Variants in NADSYN1 observed in about 807,000 individuals in gnomAD.
NADSYN1 encodes NAD synthetase 1.
In NADSYN1, 80 loss-of-function variants were observed where a neutral mutation model predicts 99.3. That is an observed-to-expected ratio of 0.81 (90% confidence interval 0.67 to 0.97). NADSYN1 has a LOEUF of 0.97. Among genes scored for constraint, NADSYN1 ranks in the 50% least tolerant of loss-of-function variants. The pLI is 0.00. For synonymous variants in NADSYN1, 385 were observed against 372.1 expected (o/e 1.03, Z -0.40); for missense variants, 859 against 948.5 (o/e 0.91, Z 1.24).
intron 16 of NADSYN1, among the ~76,000 whole-genome samples, chr11:71,486,776 T>C (rs1949745596): frequency 6.8e-6 from 1 of 147,668 alleles, no homozygotes; most frequent in African/African-American, 2.5e-5. Flanking sequence ...ATCCCTCCCT[T>C]TTTTCTATGG....
intron 18 of NADSYN1, 182 bp from the exon 19 acceptor site, chr11:71,497,301 G>A (rs1949826495): frequency 2.9e-6 from 2 of 684,046 alleles, no homozygotes; most frequent in African/African-American, 3.6e-5. Context: ...CTTCGTTGCT[G>A]TTTTCCAAAT....
At chr11:71,458,635 G>A (rs1949528975) in intron 3 of NADSYN1, 91 bp downstream of exon 3, 1 of 903,172 alleles carries the variant, frequency 1.1e-6, no homozygotes, top group Non-Finnish European at 1.8e-6. Context: ...TCCAGGGTGT[G>A]GAACATCCAT....
chr11:71,497,488 T>TA lies in NADSYN1; in HGVS notation c.1771dup (p.Met591AsnfsTer44). 6.2e-7 allele frequency: 1 copy of TA among 1,614,092 alleles called. No homozygotes were observed. The highest frequency in any genetic ancestry group is 8.5e-7 in the Non-Finnish European group (1 of 1,180,010). ...CAGATTTTTGTTGTGCACAGGAAGA[T>TA]ATGGGGATGACATATGCGGAGCTCT... On this transcript the variant is annotated frameshift_variant, in exon 19 of 21. Transcript: ENST00000319023. LOFTEE classifies it high-confidence loss of function.
intron 18 of NADSYN1, among the ~76,000 whole-genome samples, chr11:71,493,083 T>C (rs990494302): frequency 6.6e-6 from 1 of 152,014 alleles, no homozygotes; most frequent in African/African-American, 2.4e-5. Flanking sequence ...AGAGATGGGG[T>C]TCCACCATGT....
intron 3 of NADSYN1, among the ~76,000 whole-genome samples, chr11:71,459,215 C>A (rs959173121): frequency 2.7e-5 from 4 of 147,468 alleles, no homozygotes; most frequent in Non-Finnish European, 5.9e-5. Context: ...GGTGTCTGTG[C>A]GGTCCCTGCA....
intron 19 of NADSYN1, 43 bp from the exon 20 acceptor site, chr11:71,498,309 C>G: frequency 1.2e-6 from 2 of 1,608,930 alleles, no homozygotes; most frequent in Non-Finnish European, 1.7e-6. Context: ...TGGGGTCTCT[C>G]CAGTTTTGGT....
intron 16 of NADSYN1, 102 bp downstream of exon 16, chr11:71,485,750 G>A: frequency 2.3e-6 from 2 of 868,742 alleles, no homozygotes; most frequent in South Asian, 1.9e-5. Context: ...TTTCATGGCG[G>A]GTTTGGTGCC....
chr11:71,501,696 A>T lies in NADSYN1; in HGVS notation c.*344A>T. 3.2e-6 allele frequency: 1 copy of T among 309,676 alleles called. No individual in the cohort carries two copies. The highest frequency in any genetic ancestry group is 6.0e-6 in the Non-Finnish European group (1 of 165,918). 19.2% of individuals were successfully genotyped at this position (309,676 alleles called of 1,614,324 possible). A position where few individuals can be genotyped will look rare whatever the true frequency, so the allele number is the denominator to read the frequency against. ...AGGAACAAGAACAGTAGCTCCCGGGAAGGGAGGGGTGTCATGAGCAGAAAA... is the reference window on the plus strand; with the variant it reads ...AGGAACAAGAACAGTAGCTCCCGGGTAGGGAGGGGTGTCATGAGCAGAAAA... On this transcript the variant is annotated 3_prime_UTR_variant, in exon 21 of 21. Coordinates refer to ENST00000319023, the MANE Select transcript of NADSYN1 (RefSeq NM_018161.5).
rs780376631 is a variant in NADSYN1, at chr11:71,463,500, C to A, written c.317+15C>A. Reference sequence around the variant, plus strand: ...TTCCTCAACAGGTAGGCCCCCTGCCCCCACCCCGGGAGGGTGACTGGGGCC... The same window carrying A: ...TTCCTCAACAGGTAGGCCCCCTGCCACCACCCCGGGAGGGTGACTGGGGCC... On this transcript the variant is annotated intron_variant, in intron 4 of 20. Transcript: ENST00000319023. 1.9e-6 allele frequency: 3 copies of A among 1,612,426 alleles called. No individual in the cohort carries two copies. In the African/African-American group the frequency reaches 4.0e-5, roughly 22 times the overall value.
intron 5 of NADSYN1, among the ~76,000 whole-genome samples, chr11:71,465,727 G>T (rs1000311508): frequency 6.6e-6 from 1 of 152,092 alleles, no homozygotes; most frequent in Non-Finnish European, 1.5e-5. Context: ...AGTTATTTCT[G>T]TTTTTTATTG....
intron 5 of NADSYN1, among the ~76,000 whole-genome samples, chr11:71,469,858 T>A (rs537494178): frequency 7.1e-6 from 1 of 140,394 alleles, no homozygotes; most frequent in Non-Finnish European, 1.5e-5. Context: ...CCCATGAGGT[T>A]GAGCCTGCAG....
intron 3 of NADSYN1, chr11:71,458,970 C>T (rs1198428717): frequency 1.0e-5 from 2 of 195,746 alleles, no homozygotes; most frequent in Non-Finnish European, 2.2e-5. Flanking sequence ...ATGCTGGTGT[C>T]TGTGCTGTAC....
chr11:71,480,177 T>TTTGC (rs1370685040), intron 10 of NADSYN1: 1 of 152,460 alleles, frequency 6.6e-6, no homozygotes, highest in African/African-American at 2.4e-5. Flanking sequence ...TTTTTGTTTG[T>TTTGC]TTTTTGAGAC....
At chr11:71,464,889 AAAAAG>A (rs1308086493) in intron 5 of NADSYN1, among the ~76,000 whole-genome samples, 6 of 151,146 alleles carry the variant, frequency 4.0e-5, no homozygotes, top group African/African-American at 1.5e-4. Flanking sequence ...AAAAAAAAAA[AAAAAG>A]AGCGGGGTTT....
chr11:71,486,446 C>T (rs1949743842), intron 16 of NADSYN1, among the ~76,000 whole-genome samples: 1 of 151,276 alleles, frequency 6.6e-6, no homozygotes, highest in Admixed American at 6.6e-5. Flanking sequence ...CACCCATCCA[C>T]CCATCTGTCT....
intron 8 of NADSYN1, among the ~76,000 whole-genome samples, 170 bp downstream of exon 8, chr11:71,473,856 G>A (rs748900852): frequency 3.9e-5 from 6 of 152,158 alleles, no homozygotes; most frequent in Non-Finnish European, 7.3e-5. Context: ...GGGCTTCGCC[G>A]GCACAGCCCA....
chr11:71,470,972 T>C (rs1792234), intron 5 of NADSYN1, among the ~76,000 whole-genome samples: 42,807 of 152,110 alleles, frequency 0.28, 6,530 homozygotes, highest in South Asian at 0.46. Context: ...TATCCTGTGC[T>C]TTGTTTTCTT....
At position 71,497,581 on chromosome 11, in the gene NADSYN1, C is replaced by T. The variant is rs1248118161; in HGVS notation, c.1863C>T (p.Gly621=). 1.2e-6 allele frequency: 2 copies of T among 1,614,040 alleles called. No individual in the cohort carries two copies. Among genetic ancestry groups the T allele is most frequent in the Non-Finnish European group, 1.7e-6 (2 of 1,180,044 alleles). The change falls in exon 19 of 21, where the codon GGC becomes GGT. Residue 621 remains glycine, a synonymous_variant. Coordinates refer to ENST00000319023, the MANE Select transcript of NADSYN1 (RefSeq NM_018161.5). ...ACAGCATGTTCTGCAAACTCCTCGG[C>T]ATGTGGAGACACATCTGCACCCCGA... ...GPYSMFCKLL[G]MWRHICTPRQ... is the part of the protein sequence containing the mutation.
chr11:71,472,402 T>C, intron 5 of NADSYN1, 47 bp from the exon 6 acceptor site: 1 of 1,483,670 alleles, frequency 6.7e-7, no homozygotes, highest in Non-Finnish European at 9.5e-7. Context: ...CATTCCTCAT[T>C]TGTCCTGAGA....
Sources: allele counts gnomAD v4.1 joint callset (sites outside exome capture counted in the v4.1 genomes callset), GRCh38; gene constraint gnomAD v4.1.1; transcripts MANE v1.5; gene names NCBI Gene and HGNC (gene_info 2026-07-23, HGNC 2026-07-21).